Variants in CRISPLD2 observed in about 807,000 individuals in gnomAD.
CRISPLD2 encodes the protein cysteine rich secretory protein LCCL domain containing 2, also known as cysteine-rich secretory protein LCCL domain-containing 2.
Under a neutral mutation model 71.1 loss-of-function variants are expected in CRISPLD2, and 47 were observed. The observed-to-expected ratio is 0.66, with a 90% CI of 0.52 to 0.84. CRISPLD2 has a LOEUF of 0.84. CRISPLD2 is among the 40% of genes least tolerant of loss of function. The pLI, the probability that CRISPLD2 is intolerant of heterozygous loss-of-function variation, is 0.00. For synonymous variants in CRISPLD2, 317 were observed against 250.1 expected (o/e 1.27, Z -2.52); for missense variants, 830 against 651.1 (o/e 1.27, Z -2.99).
intron 12 of CRISPLD2, 133 bp from the exon 13 acceptor site, chr16:84,880,376 T>C (rs879018176): frequency 1.6e-6 from 1 of 638,882 alleles, no homozygotes; most frequent in African/African-American, 1.8e-5. Flanking sequence ...TTTTTTTTCT[T>C]AATGAGGAAA....
intron 6 of CRISPLD2, among the ~76,000 whole-genome samples, chr16:84,858,998 A>T (rs1917314128): frequency 6.6e-6 from 1 of 152,300 alleles, no homozygotes; most frequent in Admixed American, 6.5e-5. Flanking sequence ...GGGATGTGGG[A>T]ATCACCACCC....
chr16:84,836,297 G>C (rs1490729101), intron 1 of CRISPLD2: 3 of 152,168 alleles, frequency 2.0e-5, no homozygotes, highest in Non-Finnish European at 4.4e-5. Flanking sequence ...CCCAGCGTCA[G>C]AGTTTTCTGG....
chr16:84,840,696 C>T (rs540080894), intron 2 of CRISPLD2, among the ~76,000 whole-genome samples: 40 of 152,014 alleles, frequency 2.6e-4, no homozygotes, highest in African/African-American at 5.3e-4. Context: ...TTATTAGAGA[C>T]GGGGTTTCAC....
chr16:84,849,675 C>A (rs148634199), intron 4 of CRISPLD2, among the ~76,000 whole-genome samples, 158 bp downstream of exon 4: 1 of 152,188 alleles, frequency 6.6e-6, no homozygotes, highest in East Asian at 1.9e-4. Context: ...GGAGAAGAAG[C>A]TGTTTGTTAC....
chr16:84,903,461 G>C (rs148490428), intron 14 of CRISPLD2, among the ~76,000 whole-genome samples: 3 of 152,062 alleles, frequency 2.0e-5, no homozygotes, highest in African/African-American at 7.2e-5. Flanking sequence ...GTGTGGTGGC[G>C]CATGCCTGTA....
At position 84,867,772 on chromosome 16, in the gene CRISPLD2, CT is replaced by C. The variant is rs1184909715; in HGVS notation, c.853+733del. 6.6e-5 allele frequency among the ~76,000 whole-genome samples: 10 copies of C among 152,266 alleles called. No individual in the cohort carries two copies. The South Asian group carries it at 1.0e-3, about 16-fold the overall frequency. ...AGTAGAGAAAGGGAGATGTTTCCCC[CT>C]GGGACTTCCAGGAATCCCCAAAATA... On this transcript the variant is annotated intron_variant, in intron 7 of 14. Coordinates refer to ENST00000262424, the MANE Select transcript of CRISPLD2 (RefSeq NM_031476.4).
chr16:84,874,876 A>G (rs913126140), intron 11 of CRISPLD2, among the ~76,000 whole-genome samples: 1 of 152,202 alleles, frequency 6.6e-6, no homozygotes, highest in Non-Finnish European at 1.5e-5. Flanking sequence ...CATTGGTAAT[A>G]TATACATCGA....
In CRISPLD2 at chr16:84,854,778, G is replaced by A; in HGVS notation, c.658G>A (p.Glu220Lys). Reference sequence around the variant, plus strand: ...CTACAAGAATGGCCGGCCCTGCTCTGAGTGCCCACCCAGCTATGGAGGCAG... The same window carrying A: ...CTACAAGAATGGCCGGCCCTGCTCTAAGTGCCCACCCAGCTATGGAGGCAG... ...APYKNGRPCS[E>K]CPPSYGGSCR... The change falls in exon 6 of 15, where the codon GAG becomes AAG. Residue 220 changes from glutamate to lysine, a missense_variant. Glu to Lys is a moderately conservative substitution (Grantham distance 56). Coordinates refer to ENST00000262424, the MANE Select transcript of CRISPLD2 (RefSeq NM_031476.4). The A allele has an allele frequency of 6.2e-7, 1 of 1,614,162 alleles. No individual in the cohort carries two copies. Among genetic ancestry groups the A allele is most frequent in the Non-Finnish European group, 8.5e-7 (1 of 1,180,024 alleles).
chr16:84,864,309 C>T (rs1917477080), intron 6 of CRISPLD2, among the ~76,000 whole-genome samples: 2 of 152,216 alleles, frequency 1.3e-5, no homozygotes, highest in African/African-American at 4.8e-5. Flanking sequence ...GGTGTGAGAG[C>T]CAGGACTGTC....
chr16:84,852,024 G>T (rs575753066), intron 5 of CRISPLD2, among the ~76,000 whole-genome samples: 34 of 149,316 alleles, frequency 2.3e-4, no homozygotes, highest in Non-Finnish European at 4.1e-4. Context: ...GGACCAAGGG[G>T]TGGCAGATCA....
In CRISPLD2 at chr16:84,889,316, AAAG is replaced by A; in HGVS notation, c.1397_1399del (p.Lys466del). 1.2e-6 allele frequency: 2 copies of A among 1,614,148 alleles called. No homozygotes were observed. Among genetic ancestry groups the A allele is most frequent in the Non-Finnish European group, 1.7e-6 (2 of 1,180,002 alleles). ...ACGTGGACGTGATGCCCGTGGATAAAAAGAAGACCTACGTGGGCTCGCTCAGGA... is the reference window on the plus strand; with the variant it reads ...ACGTGGACGTGATGCCCGTGGATAAAAAGACCTACGTGGGCTCGCTCAGGA... On this transcript the variant is annotated inframe_deletion, in exon 14 of 15. Coordinates refer to ENST00000262424, the MANE Select transcript of CRISPLD2 (RefSeq NM_031476.4).
intron 12 of CRISPLD2, among the ~76,000 whole-genome samples, chr16:84,879,010 T>C (rs1040110136): frequency 7.9e-5 from 12 of 152,200 alleles, no homozygotes; most frequent in Middle Eastern, 3.4e-3. Flanking sequence ...CTGTGGATTC[T>C]CCAAGGGACA....
intron 6 of CRISPLD2, among the ~76,000 whole-genome samples, chr16:84,866,424 C>T (rs567624474): frequency 2.6e-5 from 4 of 152,128 alleles, no homozygotes; most frequent in Admixed American, 6.5e-5. Context: ...TTAGTAGAGA[C>T]GGGGTTTCGC....
At chr16:84,853,895 G>C (rs1262218056) in intron 5 of CRISPLD2, among the ~76,000 whole-genome samples, 1 of 152,216 alleles carries the variant, frequency 6.6e-6, no homozygotes, top group African/African-American at 2.4e-5. Flanking sequence ...CTGGCAGCCT[G>C]GGGCCCAAGC....
intron 2 of CRISPLD2, among the ~76,000 whole-genome samples, chr16:84,845,281 C>T (rs1430314630): frequency 6.6e-6 from 1 of 152,182 alleles, no homozygotes; most frequent in East Asian, 1.9e-4. Flanking sequence ...GGGGTAAAGC[C>T]CGAGGCCTGG....
intron 8 of CRISPLD2, 102 bp downstream of exon 8, chr16:84,869,013 G>C (rs1917619797): frequency 2.0e-6 from 2 of 1,000,846 alleles, no homozygotes; most frequent in Non-Finnish European, 3.0e-6. Context: ...TCCTGCTGTT[G>C]CATATTTAGC....
At position 84,835,817 on chromosome 16, in the gene CRISPLD2, C is replaced by G. The variant is rs9925531; in HGVS notation, c.-74-2605C>G. 1.2e-3 allele frequency among the ~76,000 whole-genome samples: 183 copies of G among 152,326 alleles called. 1 individual carries two copies. The highest frequency in any genetic ancestry group is 4.1e-3 in the African/African-American group (169 of 41,580). On this transcript the variant is annotated intron_variant, in intron 1 of 14. Coordinates refer to ENST00000262424, the MANE Select transcript of CRISPLD2 (RefSeq NM_031476.4). ...AACATTCAGAACAAAGGCGGCCAGT[C>G]AGATCTCCTGGGATAGCTCACGCTG...
intron 11 of CRISPLD2, among the ~76,000 whole-genome samples, chr16:84,875,886 G>A (rs1204133165): frequency 6.6e-6 from 1 of 152,010 alleles, no homozygotes; most frequent in Non-Finnish European, 1.5e-5. Context: ...TGCTTTAAAT[G>A]TTCTTCCAAA....
chr16:84,903,813 G>A (rs189712279), intron 14 of CRISPLD2, among the ~76,000 whole-genome samples: 2 of 152,280 alleles, frequency 1.3e-5, no homozygotes, highest in East Asian at 1.9e-4. Context: ...GTCATACAAC[G>A]AACAGGGAGG....
Sources: gnomAD v4.1 joint callset for allele counts (sites outside exome capture counted in the v4.1 genomes callset) on GRCh38, gnomAD v4.1.1 for gene constraint, MANE v1.5 for transcripts, NCBI Gene and HGNC (gene_info 2026-07-23, HGNC 2026-07-21) for gene names.